Variants in ASB5 observed in about 807,000 individuals in gnomAD.
The protein encoded by ASB5 is ankyrin repeat and SOCS box containing 5.
Under a neutral mutation model 42.1 loss-of-function variants are expected in ASB5, and 45 were observed. The ratio of observed to expected loss-of-function variants is 1.07; its 90% CI spans 0.84 to 1.37. The LOEUF is 1.37. Among genes scored for constraint, ASB5 ranks in the 40% most tolerant of loss-of-function variants. The pLI is 0.00. For missense variants in ASB5, 402 were observed against 399.8 expected (o/e 1.01, Z -0.05); for synonymous variants, 147 against 150.6 (o/e 0.98, Z 0.18).
intron 4 of ASB5, 28 bp downstream of exon 4, chr4:176,221,422 T>G (rs947737951): frequency 2.5e-6 from 4 of 1,607,670 alleles, no homozygotes; most frequent in Non-Finnish European, 3.4e-6. Context: ...CTTTCTTCCC[T>G]TGTCACTTAA....
chr4:176,266,535 C>T (rs1262013902), intron 1 of ASB5, among the ~76,000 whole-genome samples: 5 of 151,890 alleles, frequency 3.3e-5, no homozygotes, highest in African/African-American at 1.2e-4. Flanking sequence ...TAATAATTTT[C>T]CTGGGCAAGA....
chr4:176,268,092 T>A (rs547847154), intron 1 of ASB5, among the ~76,000 whole-genome samples: 1 of 151,198 alleles, frequency 6.6e-6, no homozygotes, highest in South Asian at 2.1e-4. Context: ...AAATCAGAAA[T>A]GAATCTGAAG....
At chr4:176,234,430 T>C (rs1490187840) in intron 1 of ASB5, among the ~76,000 whole-genome samples, 1 of 152,200 alleles carries the variant, frequency 6.6e-6, no homozygotes, top group Non-Finnish European at 1.5e-5. Context: ...CTCTGAAATA[T>C]CACCTTATCA....
At chr4:176,257,570 T>G (rs760818561) in intron 1 of ASB5, among the ~76,000 whole-genome samples, 13 of 152,192 alleles carry the variant, frequency 8.5e-5, no homozygotes, top group Non-Finnish European at 1.8e-4. Flanking sequence ...AGGGAGTACC[T>G]GCAAAAACAT....
chr4:176,275,713 A>T (rs1379585099), intron 2 of ASB5: 1 of 152,164 alleles, frequency 6.6e-6, no homozygotes, highest in East Asian at 1.9e-4. Flanking sequence ...TGGTGCTTCT[A>T]TCCTGGAGGA....
At chr4:176,252,951 T>C (rs1754072233) in intron 1 of ASB5, among the ~76,000 whole-genome samples, 1 of 152,196 alleles carries the variant, frequency 6.6e-6, no homozygotes, top group Non-Finnish European at 1.5e-5. Flanking sequence ...TTATGGCATG[T>C]GTGAAAGTTT....
At chr4:176,234,659 C>G (rs1270036564) in intron 1 of ASB5, among the ~76,000 whole-genome samples, 1 of 152,188 alleles carries the variant, frequency 6.6e-6, no homozygotes, top group African/African-American at 2.4e-5. Context: ...CTCAAAGTCA[C>G]ATGATCACAC....
intron 2 of ASB5, among the ~76,000 whole-genome samples, chr4:176,222,627 G>A (rs1387461268): frequency 1.3e-5 from 2 of 152,164 alleles, no homozygotes; most frequent in African/African-American, 2.4e-5. Context: ...GCACCCTCAT[G>A]TCTGGACCCA....
intron 1 of ASB5, among the ~76,000 whole-genome samples, chr4:176,239,808 A>C (rs1050286770): frequency 3.3e-5 from 5 of 152,232 alleles, no homozygotes; most frequent in Non-Finnish European, 7.3e-5. Flanking sequence ...GATGTGCTGC[A>C]CTGAAGGTGG....
At chr4:176,256,453 T>A (rs1255308345) in intron 1 of ASB5, among the ~76,000 whole-genome samples, 3 of 152,218 alleles carry the variant, frequency 2.0e-5, no homozygotes, top group African/African-American at 7.2e-5. Context: ...AGCTCAGTTT[T>A]AGGATCGATA....
intron 1 of ASB5, among the ~76,000 whole-genome samples, chr4:176,228,514 T>C (rs1753439634): frequency 6.6e-6 from 1 of 152,214 alleles, no homozygotes; most frequent in African/African-American, 2.4e-5. Flanking sequence ...ATAACAGATA[T>C]AAGTTTCCAT....
intron 1 of ASB5, among the ~76,000 whole-genome samples, chr4:176,262,113 C>T (rs185922543): frequency 6.6e-6 from 1 of 152,140 alleles, no homozygotes; most frequent in Admixed American, 6.5e-5. Flanking sequence ...TTTAATAATT[C>T]ACTGTCTTCT....
At chr4:176,222,923 G>A (rs1205160430) in intron 2 of ASB5, among the ~76,000 whole-genome samples, 1 of 143,414 alleles carries the variant, frequency 7.0e-6, no homozygotes, top group Admixed American at 7.2e-5. Context: ...GACTACAGGC[G>A]CCCACCACAA....
At chr4:176,239,689 C>T (rs1348604741) in intron 1 of ASB5, among the ~76,000 whole-genome samples, 1 of 152,084 alleles carries the variant, frequency 6.6e-6, no homozygotes, top group East Asian at 1.9e-4. Flanking sequence ...TTCTAGAATG[C>T]TTTAAGAAGG....
intron 3 of ASB5, 83 bp from the exon 4 acceptor site, chr4:176,221,683 A>C (rs537600832): frequency 1.0e-5 from 13 of 1,283,182 alleles, no homozygotes; most frequent in Admixed American, 2.6e-5. Context: ...AAGGTATGTG[A>C]TTTGCTAACA....
intron 2 of ASB5, among the ~76,000 whole-genome samples, chr4:176,275,342 C>A (rs1754545012): frequency 6.6e-6 from 1 of 151,968 alleles, no homozygotes; most frequent in Non-Finnish European, 1.5e-5. Flanking sequence ...TCTAGGAGGA[C>A]CCTGTTTAGG....
At chr4:176,230,791 T>C (rs190836290) in intron 1 of ASB5, among the ~76,000 whole-genome samples, 1 of 152,336 alleles carries the variant, frequency 6.6e-6, no homozygotes, top group East Asian at 1.9e-4. Context: ...AAACAAGATA[T>C]AAATATCTTT....
At chr4:176,261,912 TTTATA>T (rs1234554452) in intron 1 of ASB5, among the ~76,000 whole-genome samples, 1 of 150,960 alleles carries the variant, frequency 6.6e-6, no homozygotes, top group Non-Finnish European at 1.5e-5. Flanking sequence ...TAGTATGCAT[TTTATA>T]TTATATATTA....
In ASB5 at chr4:176,247,420, G is replaced by A. The variant is rs1482572707; in HGVS notation, c.196+21493C>T. On this transcript the variant is annotated intron_variant, in intron 1 of 6. Coordinates refer to ENST00000296525, the MANE Select transcript of ASB5 (RefSeq NM_080874.4). ...AAAATAGAAGAATGTGGGAGATCTT[G>A]TTCTGTCTATGAAGACCTATTCTAA... 2.0e-5 allele frequency among the ~76,000 whole-genome samples: 3 copies of A among 152,182 alleles called. 1 individual carries two copies. The highest frequency in any genetic ancestry group is 4.4e-5 in the Non-Finnish European group (3 of 68,008).
Sources: gnomAD v4.1 joint callset for allele counts (sites outside exome capture counted in the v4.1 genomes callset) on GRCh38, gnomAD v4.1.1 for gene constraint, MANE v1.5 for transcripts, NCBI Gene and HGNC (gene_info 2026-07-23, HGNC 2026-07-21) for gene names.